Variants in FANCD2 observed in about 807,000 individuals in gnomAD.
The protein encoded by FANCD2 is FA complementation group D2.
FANCD2 carries 131 observed loss-of-function variants against 192.3 expected under a neutral mutation model. The ratio of observed to expected loss-of-function variants is 0.68; its 90% CI spans 0.59 to 0.79. The LOEUF is 0.79. Ranked by LOEUF, FANCD2 falls within the 30% of genes least tolerant of loss-of-function variation. The pLI is 0.00. For missense variants in FANCD2, 1,508 were observed against 1,701.6 expected (o/e 0.89, Z 2.00); for synonymous variants, 524 against 612.5 (o/e 0.86, Z 2.13).
Position 10,036,526 on chromosome 3 carries a change from A to G in FANCD2, c.491+187A>G, listed in dbSNP as rs553610585. On this transcript the variant is annotated intron_variant, in intron 7 of 43. Coordinates refer to ENST00000675286, the MANE Select transcript of FANCD2 (RefSeq NM_001018115.3). ...TATTAATATGACTTTGTAAAAATAG[A>G]TAGGATTACTGTTAAAAGTAACTAT... is the stretch of plus-strand genomic sequence containing the variant. 2.6e-5 allele frequency among the ~76,000 whole-genome samples: 4 copies of G among 152,234 alleles called. No individual in the cohort carries two copies. The East Asian group carries it at 7.7e-4, about 29-fold the overall frequency.
chr3:10,074,740 T>TTC, intron 29 of FANCD2, 67 bp downstream of exon 29: 1 of 1,486,418 alleles, frequency 6.7e-7, no homozygotes, highest in Non-Finnish European at 9.4e-7. Context: ...CTATTCTTAT[T>TTC]TCACAAAGAA....
Position 10,028,608 on chromosome 3 carries a change from T to C in FANCD2, c.-33-17T>C, listed in dbSNP as rs1276859340. On this transcript the variant is annotated splice_polypyrimidine_tract_variant and intron_variant, in intron 1 of 43. Coordinates refer to ENST00000675286, the MANE Select transcript of FANCD2 (RefSeq NM_001018115.3). ...TATCTTCTAGAGGGTAACTTCTGTT[T>C]CCCGATTTTGCTCTAGGAAGTAATT... is the stretch of plus-strand genomic sequence containing the variant. 2 of 1,514,640 alleles carry C rather than the reference T, an allele frequency of 1.3e-6. No homozygotes were observed. The highest frequency in any genetic ancestry group is 1.8e-6 in the Non-Finnish European group (2 of 1,089,678). 93.8% of individuals were successfully genotyped at this position (1,514,640 alleles called of 1,614,324 possible). A position where few individuals can be genotyped will look rare whatever the true frequency, so the allele number is the denominator to read the frequency against.
intron 9 of FANCD2, 61 bp from the exon 10 acceptor site, chr3:10,041,562 A>C (rs2086863176): frequency 8.8e-7 from 1 of 1,140,160 alleles, no homozygotes; most frequent in Non-Finnish European, 1.3e-6. Context: ...TTCTCAAGTC[A>C]TTGTCTGCCC....
intron 14 of FANCD2, 120 bp from the exon 15 acceptor site, chr3:10,046,460 G>A: frequency 6.6e-7 from 1 of 1,523,450 alleles, no homozygotes; most frequent in Non-Finnish European, 8.9e-7. Flanking sequence ...AGGGGAGTGT[G>A]TGGAACAAAT....
chr3:10,029,054 C>G (rs889860334), intron 2 of FANCD2, among the ~76,000 whole-genome samples: 2 of 152,052 alleles, frequency 1.3e-5, no homozygotes, highest in East Asian at 1.9e-4. Context: ...CTTTCTTCCT[C>G]TCTTGGAAAA....
rs773716319 is a variant in FANCD2, at chr3:10,090,443, A to ATTT, written c.3777+84_3777+86dup. 3,311 of 339,186 alleles carry ATTT rather than the reference A, an allele frequency of 9.8e-3. 89 individuals are homozygous for ATTT. The highest frequency in any genetic ancestry group is 0.035 in the African/African-American group (914 of 25,850). The allele number at this position is 339,186 out of a possible 1,614,324, so 21.0% of individuals were successfully genotyped here. On this transcript the variant is annotated intron_variant, in intron 37 of 43. Transcript: ENST00000675286. ...ACTTTGGATTACTTGGAAGTTGCTG[A>ATTT]TTTTTTTTTTTTTTTTTTTTTTTTT...
rs925677131 is a variant in FANCD2, at chr3:10,039,643, G to C, written c.571-78G>C. 2.6e-6 allele frequency: 4 copies of C among 1,513,048 alleles called. No individual in the cohort carries two copies. In the South Asian group the frequency reaches 4.6e-5, roughly 17 times the overall value. The allele number at this position is 1,513,048 out of a possible 1,614,324, so 93.7% of individuals were successfully genotyped here. A position where few individuals can be genotyped will look rare whatever the true frequency, so the allele number is the denominator to read the frequency against. ...TGTGTTTATTTCTCAAATAATTTCA[G>C]CTCTGCATTTCACACGTAGGTAGTC... On this transcript the variant is annotated intron_variant, in intron 8 of 43. Coordinates refer to ENST00000675286, the MANE Select transcript of FANCD2 (RefSeq NM_001018115.3).
chr3:10,094,739 C>T (rs1694851961), intron 40 of FANCD2: 2 of 320,118 alleles, frequency 6.2e-6, no homozygotes, highest in African/African-American at 2.1e-5. Flanking sequence ...GTCATAAAAC[C>T]CTTTGCTGTG....
Position 10,093,307 on chromosome 3 carries a change from T to G in FANCD2, c.3872T>G (p.Leu1291Arg). The change falls in exon 39 of 44, where the codon CTG becomes CGG. Residue 1291 changes from leucine (L) to arginine (R), a missense_variant. By Grantham distance (102) the Leu-to-Arg change is moderately radical (BLOSUM62 -2). Coordinates refer to ENST00000675286, the MANE Select transcript of FANCD2 (RefSeq NM_001018115.3). ...LIKVFDSHPV[L>R]HVCLKYGRLF... The stretch of plus-strand genomic sequence containing the variant: ...CAGGTATTTGATAGTCATCCTGTTC[T>G]GCATGTATGTTTGAAGGTGAGAGAT... The G allele has an allele frequency of 6.2e-7, 1 of 1,613,510 alleles. No individual in the cohort carries two copies.
At position 10,046,580 on chromosome 3, in the gene FANCD2, G is replaced by T. The variant is rs1210720336; in HGVS notation, c.1135G>T (p.Val379Leu). The part of the protein sequence containing the change: ...ENTASVSEHK[V>L]FDLVMLFIIY... ...GTTGTTGCATATTTATTGACAATAG[G>T]TGTTTGACCTGGTGATGCTTTTCAT... The change falls in exon 15 of 44, where the codon GTG (valine) becomes TTG (leucine). Residue 379 changes from valine to leucine, a missense_variant and splice_region_variant. By Grantham distance (32) the Val-to-Leu change is conservative. This residue lies in a region of FANCD2 where 108 missense variants were observed against 174.1 expected (regional missense o/e 0.62). Coordinates refer to ENST00000675286, the MANE Select transcript of FANCD2 (RefSeq NM_001018115.3). The T allele has an allele frequency of 6.2e-7, 1 of 1,614,162 alleles. No homozygotes were observed. Among genetic ancestry groups the T allele is most frequent in the Non-Finnish European group, 8.5e-7 (1 of 1,179,962 alleles).
chr3:10,026,949 T>C (rs979838762), intron 1 of FANCD2, among the ~76,000 whole-genome samples: 1 of 150,242 alleles, frequency 6.7e-6, no homozygotes, highest in Non-Finnish European at 1.5e-5. Flanking sequence ...TAAGTATAGG[T>C]GGTGAAGAGC....
At chr3:10,062,514 G>A (rs1292454188) in intron 20 of FANCD2, among the ~76,000 whole-genome samples, 3 of 151,632 alleles carry the variant, frequency 2.0e-5, no homozygotes, top group African/African-American at 4.8e-5. Flanking sequence ...AGTGCTGGGA[G>A]TACAGGCGTG....
intron 18 of FANCD2, among the ~76,000 whole-genome samples, chr3:10,059,573 C>G (rs9837779): frequency 0.026 from 3,963 of 152,228 alleles, 181 homozygotes; most frequent in African/African-American, 0.09. Flanking sequence ...GAGGCCAAGA[C>G]AGGCGGATCA....
intron 7 of FANCD2, among the ~76,000 whole-genome samples, chr3:10,036,992 G>A (rs923864943): frequency 1.1e-4 from 16 of 150,728 alleles, no homozygotes; most frequent in Non-Finnish European, 1.9e-4. Flanking sequence ...TGCGCCACCC[G>A]GTCCAGCTAA....
chr3:10,028,620 T>C lies in FANCD2; in HGVS notation c.-33-5T>C. ...GGTAACTTCTGTTTCCCGATTTTGC[T>C]CTAGGAAGTAATTTAAGTGCACAAG... On this transcript the variant is annotated splice_polypyrimidine_tract_variant and splice_region_variant and intron_variant, in intron 1 of 43. Coordinates refer to ENST00000675286, the MANE Select transcript of FANCD2 (RefSeq NM_001018115.3). 3.2e-6 allele frequency: 5 copies of C among 1,577,872 alleles called. No homozygotes were observed. Among genetic ancestry groups the C allele is most frequent in the Non-Finnish European group, 4.4e-6 (5 of 1,147,180 alleles).
intron 7 of FANCD2, among the ~76,000 whole-genome samples, chr3:10,037,202 G>A (rs1378745625): frequency 6.6e-6 from 1 of 152,072 alleles, no homozygotes; most frequent in Non-Finnish European, 1.5e-5. Flanking sequence ...TGAACAGACA[G>A]TTTACAAAGA....
At chr3:10,072,797 G>C (rs1300102137) in intron 26 of FANCD2, 74 bp from the exon 27 acceptor site, 1 of 846,834 alleles carries the variant, frequency 1.2e-6, no homozygotes, top group Non-Finnish European at 2.1e-6. Context: ...TTAGCCAATG[G>C]AGTGACTGAA....
intron 41 of FANCD2, 106 bp from the exon 42 acceptor site, chr3:10,096,220 T>G (rs1358184467): frequency 1.7e-6 from 2 of 1,182,524 alleles, no homozygotes; most frequent in Non-Finnish European, 2.5e-6. Context: ...CGTTGGCCCA[T>G]ACTGGCAGGG....
At chr3:10,034,624 C>G (rs2086685484) in intron 4 of FANCD2, 71 bp from the exon 5 acceptor site, 1 of 1,494,696 alleles carries the variant, frequency 6.7e-7, no homozygotes, top group Non-Finnish European at 9.3e-7. Context: ...GTTGAGTGGG[C>G]TAGAATGATT....
Sources: allele counts gnomAD v4.1 joint callset (sites outside exome capture counted in the v4.1 genomes callset), GRCh38; gene constraint gnomAD v4.1.1; regional missense constraint gnomAD v4.1.1; transcripts MANE v1.5; gene names NCBI Gene and HGNC (gene_info 2026-07-23, HGNC 2026-07-21).